Variants in CALCR observed in about 807,000 individuals in gnomAD.
CALCR encodes calcitonin receptor.
A neutral mutation model predicts 59.5 loss-of-function variants in CALCR; 47 were observed. The ratio of observed to expected loss-of-function variants is 0.79; its 90% CI spans 0.63 to 1.01. CALCR has a LOEUF of 1.01. CALCR is among the 50% of genes least tolerant of loss of function. The pLI is 0.00. For synonymous variants in CALCR, 213 were observed against 211.3 expected (o/e 1.01, Z -0.07); for missense variants, 566 against 597.1 (o/e 0.95, Z 0.54).
At chr7:93,573,593 C>G (rs1301712933) in intron 2 of CALCR, among the ~76,000 whole-genome samples, 1 of 152,164 alleles carries the variant, frequency 6.6e-6, no homozygotes, top group Non-Finnish European at 1.5e-5. Context: ...GTTTACTAAT[C>G]TCAATTGTAT....
chr7:93,485,061 T>C (rs1024142813), intron 3 of CALCR, among the ~76,000 whole-genome samples: 2 of 151,718 alleles, frequency 1.3e-5, no homozygotes. Context: ...ATTAGGAACA[T>C]TGTCATTAAA....
intron 2 of CALCR, among the ~76,000 whole-genome samples, chr7:93,563,811 G>T (rs1789799463): frequency 6.6e-6 from 1 of 152,050 alleles, no homozygotes; most frequent in African/African-American, 2.4e-5. Context: ...AGACCTCCTT[G>T]GTTCATTTCC....
intron 2 of CALCR, among the ~76,000 whole-genome samples, chr7:93,504,840 A>G (rs1801393022): frequency 6.6e-6 from 1 of 152,156 alleles, no homozygotes; most frequent in Non-Finnish European, 1.5e-5. Context: ...ATTGTGACTG[A>G]CATCTCCAAG....
At chr7:93,551,919 G>T (rs553706695) in intron 2 of CALCR, among the ~76,000 whole-genome samples, 2 of 152,154 alleles carry the variant, frequency 1.3e-5, no homozygotes, top group South Asian at 4.2e-4. Context: ...TTAAGAAAAA[G>T]GTCTGTCAGC....
Position 93,456,716 on chromosome 7 carries a change from C to T in CALCR, c.648+4105G>A, listed in dbSNP as rs185358507. On this transcript the variant is annotated intron_variant, in intron 8 of 13. Coordinates refer to ENST00000426151, the MANE Select transcript of CALCR (RefSeq NM_001742.4). ...AAGTTTGCTCTCATATAGCTAAAACCAGCAAGTCTGTTAGGTTAAAAATAC... is the reference window on the plus strand; with the variant it reads ...AAGTTTGCTCTCATATAGCTAAAACTAGCAAGTCTGTTAGGTTAAAAATAC... Among the ~76,000 whole-genome samples the T allele has an allele frequency of 4.6e-5, 7 of 152,150 alleles. No homozygotes were observed. In the East Asian group the frequency reaches 1.2e-3, roughly 25 times the overall value.
intron 5 of CALCR, among the ~76,000 whole-genome samples, chr7:93,473,584 C>A (rs1584563737): frequency 6.9e-6 from 1 of 144,462 alleles, no homozygotes; most frequent in Admixed American, 6.9e-5. Flanking sequence ...GGTTTGGCCC[C>A]CCCCCCTTTT....
intron 2 of CALCR, among the ~76,000 whole-genome samples, 170 bp downstream of exon 2, chr7:93,574,119 G>C (rs1222251465): frequency 3.9e-5 from 6 of 152,088 alleles, no homozygotes; most frequent in Non-Finnish European, 8.8e-5. Flanking sequence ...CTTTGACAAG[G>C]GTAAAGTAAA....
chr7:93,533,859 T>A lies in CALCR; in HGVS notation c.-27+40430A>T, dbSNP rs79256847. Among the ~76,000 whole-genome samples the A allele has an allele frequency of 9.8e-3, 1,483 of 151,946 alleles. 30 individuals carry two copies. The highest frequency in any genetic ancestry group is 0.034 in the African/African-American group (1,397 of 41,510). ...AAATGTTATTTCTTTGGGAAGTAAA[T>A]CTGGAGGTCACTGCTCATGGGTTTG... On this transcript the variant is annotated intron_variant, in intron 2 of 13. Coordinates refer to ENST00000426151, the MANE Select transcript of CALCR (RefSeq NM_001742.4).
chr7:93,572,145 C>A (rs1790018377), intron 2 of CALCR, among the ~76,000 whole-genome samples: 1 of 152,046 alleles, frequency 6.6e-6, no homozygotes, highest in Non-Finnish European at 1.5e-5. Flanking sequence ...AAATATCTAA[C>A]ATCAAATATT....
At chr7:93,460,424 C>T (rs189170395) in intron 8 of CALCR, among the ~76,000 whole-genome samples, 2,640 of 150,604 alleles carry the variant, frequency 0.018, 28 homozygotes, top group Middle Eastern at 0.034. Flanking sequence ...GGCATGGTGT[C>T]GCATGCCTGT....
chr7:93,551,372 C>T (rs1037567841), intron 2 of CALCR, among the ~76,000 whole-genome samples: 2 of 152,182 alleles, frequency 1.3e-5, no homozygotes, highest in African/African-American at 4.8e-5. Flanking sequence ...GCAGGCAAAA[C>T]TTTTCCAACT....
At chr7:93,448,089 G>A (rs868054250) in intron 8 of CALCR, among the ~76,000 whole-genome samples, 3 of 151,914 alleles carry the variant, frequency 2.0e-5, no homozygotes, top group Admixed American at 1.3e-4. Flanking sequence ...AAAAGTAAGC[G>A]CTCTGAAAAC....
At chr7:93,462,470 C>T (rs10488541) in intron 7 of CALCR, among the ~76,000 whole-genome samples, 61,198 of 151,932 alleles carry the variant, frequency 0.4, 13,022 homozygotes, top group South Asian at 0.49. Flanking sequence ...ACCTCATGCT[C>T]GTTTATACTG....
intron 13 of CALCR, 134 bp downstream of exon 13, chr7:93,434,119 T>C (rs1313375770): frequency 4.3e-6 from 3 of 703,680 alleles, no homozygotes; most frequent in Non-Finnish European, 7.7e-6. Flanking sequence ...GGAAAAAACA[T>C]CATGTTGCTA....
At chr7:93,543,528 C>CG (rs1477488868) in intron 2 of CALCR, among the ~76,000 whole-genome samples, 1 of 152,086 alleles carries the variant, frequency 6.6e-6, no homozygotes, top group East Asian at 1.9e-4. Context: ...AGTAAGGCTA[C>CG]GATGTGAGCA....
At chr7:93,526,176 C>G (rs1801873208) in intron 2 of CALCR, among the ~76,000 whole-genome samples, 1 of 152,084 alleles carries the variant, frequency 6.6e-6, no homozygotes, top group Admixed American at 6.6e-5. Context: ...TCTTTGTGAA[C>G]TGGATCGTTT....
chr7:93,560,096 CAA>C (rs981308568), intron 2 of CALCR, among the ~76,000 whole-genome samples: 11 of 151,994 alleles, frequency 7.2e-5, no homozygotes, highest in Admixed American at 3.3e-4. Flanking sequence ...AAGAGAAAAA[CAA>C]AGCCCTCTGA....
intron 8 of CALCR, among the ~76,000 whole-genome samples, chr7:93,449,236 C>CT (rs1490587294): frequency 6.6e-6 from 1 of 151,888 alleles, no homozygotes; most frequent in East Asian, 1.9e-4. Context: ...TATCAGTTTG[C>CT]TTTAGCACAG....
Position 93,479,425 on chromosome 7 carries a change from C to A in CALCR, c.134G>T (p.Arg45Leu). ...GTACTGTGCATCCATCATCTTCTTT[C>A]GTCCTACGACGTAAAGAAATGGCTT... ...EPKPFLYVVG[R>L]KKMMDAQYKC... The change falls in exon 4 of 14, where the codon CGA becomes CTA. Residue 45 changes from arginine (R) to leucine (L), a missense_variant. Arg to Leu is a moderately radical substitution (Grantham distance 102). Transcript: ENST00000426151. 1 of 1,612,486 alleles carries A rather than the reference C, an allele frequency of 6.2e-7. No homozygotes were observed. The highest frequency in any genetic ancestry group is 1.1e-5 in the South Asian group (1 of 91,012).
Sources: allele counts gnomAD v4.1 joint callset (sites outside exome capture counted in the v4.1 genomes callset), GRCh38; gene constraint gnomAD v4.1.1; transcripts MANE v1.5; gene names NCBI Gene and HGNC (gene_info 2026-07-23, HGNC 2026-07-21).